The following ITGA3 variants were observed in gnomAD, a reference collection of about 807,000 sequenced individuals.
The protein encoded by ITGA3 is integrin alpha-3.
In ITGA3, 70 loss-of-function variants were observed where a neutral mutation model predicts 131.1. That is an observed-to-expected ratio of 0.53 (90% CI 0.44 to 0.65). The LOEUF is 0.65. ITGA3 is among the 30% of genes least tolerant of loss of function. ITGA3 has a pLI of 0.00. For synonymous variants in ITGA3, 537 were observed against 571.6 expected (o/e 0.94, Z 0.86); for missense variants, 1,098 against 1,388.6 (o/e 0.79, Z 3.33).
intron 18 of ITGA3, 35 bp from the exon 19 acceptor site, chr17:50,078,789 G>T (rs1598193317): frequency 7.5e-7 from 1 of 1,332,272 alleles, no homozygotes; most frequent in Non-Finnish European, 1.1e-6. Context: ...CTGGTCTCTT[G>T]TCCCCCGTGA....
At chr17:50,068,814 T>TTTTATTTATTTATTTA (rs373411924) in intron 4 of ITGA3, among the ~76,000 whole-genome samples, 8 of 118,702 alleles carry the variant, frequency 6.7e-5, no homozygotes, top group African/African-American at 1.0e-4. Context: ...AATCAGTCTT[T>TTTTATTTATTTATTTA]TTTATTTATT....
Position 50,087,735 on chromosome 17 carries a change from C to A in ITGA3, c.2920-9C>A. 5.6e-6 allele frequency: 9 copies of A among 1,611,068 alleles called. No homozygotes were observed. Among genetic ancestry groups the A allele is most frequent in the Admixed American group, 1.7e-5 (1 of 59,970 alleles). ...GACACAGGGCTGAGTCCTCCTCTCC[C>A]CGCTCCAGTTCTCTGTGGACATTGA... On this transcript the variant is annotated splice_polypyrimidine_tract_variant and intron_variant, in intron 23 of 25. Coordinates refer to ENST00000320031, the MANE Select transcript of ITGA3 (RefSeq NM_002204.4).
chr17:50,077,179 C>G, intron 15 of ITGA3, 58 bp downstream of exon 15: 2 of 1,484,330 alleles, frequency 1.3e-6, no homozygotes, highest in Non-Finnish European at 9.1e-7. Flanking sequence ...CTTTGCATCC[C>G]CATATCCATG....
rs1567707276 is a variant in ITGA3 at position 50,088,346 on chromosome 17, C to T, written c.*11C>T. On this transcript the variant is annotated 3_prime_UTR_variant, in exon 25 of 26. Coordinates refer to ENST00000320031, the MANE Select transcript of ITGA3 (RefSeq NM_002204.4). ...ACCGACGACTACTGAGGGGGCAGCC[C>T]CCCGCCCCCGGCCCACCTGGGTAAC... The T allele has an allele frequency of 6.4e-7, 1 of 1,554,916 alleles. No individual in the cohort carries two copies. The highest frequency in any genetic ancestry group is 8.7e-7 in the Non-Finnish European group (1 of 1,148,632).
chr17:50,071,407 TG>T lies in ITGA3; in HGVS notation c.849del (p.Leu283PhefsTer2), dbSNP rs780594058. On this transcript the variant is annotated frameshift_variant, in exon 6 of 26. Coordinates refer to ENST00000320031, the MANE Select transcript of ITGA3 (RefSeq NM_002204.4). LOFTEE classifies it high-confidence loss of function. ...PRHRHMGAVFLLSQEAGGDLR... is the reference protein window; with the variant it reads ...PRHRHMGAVFXLSQEAGGDLR... ...CACCGACATATGGGCGCGGTGTTCT[TG>T]CTGAGCCAGGAGGCAGGCGGAGACC... is the stretch of plus-strand genomic sequence containing the variant. 1 of 1,614,188 alleles carries T rather than the reference TG, an allele frequency of 6.2e-7. No individual in the cohort carries two copies. Among genetic ancestry groups the T allele is most frequent in the Non-Finnish European group, 8.5e-7 (1 of 1,180,038 alleles).
chr17:50,066,232 G>A (rs1908338842), intron 3 of ITGA3, among the ~76,000 whole-genome samples: 1 of 151,788 alleles, frequency 6.6e-6, no homozygotes, highest in Admixed American at 6.6e-5. Context: ...GGGCTCAAGT[G>A]ATCCTCCTGC....
Position 50,064,396 on chromosome 17 carries a change from T to C in ITGA3, c.335-132T>C, listed in dbSNP as rs1389160260. The C allele has an allele frequency of 3.6e-6, 4 of 1,121,618 alleles. No homozygotes were observed. Among genetic ancestry groups the C allele is most frequent in the Non-Finnish European group, 5.1e-6 (4 of 785,638 alleles). 69.5% of individuals were successfully genotyped at this position (1,121,618 alleles called of 1,614,324 possible). ...GGTAGAGCTCAGAATAATGACGAGC[T>C]GGAGAAGGGGAGTTGGGAGGGCTGC... On this transcript the variant is annotated intron_variant, in intron 2 of 25. Transcript: ENST00000320031. This position sits in a 1 kb window ranked among gnomAD's most constrained non-coding sequence, Gnocchi z 4.4.
chr17:50,088,262 A>G lies in ITGA3; in HGVS notation c.3083A>G (p.Tyr1028Cys), dbSNP rs1909555455. The G allele has an allele frequency of 6.3e-7, 1 of 1,585,198 alleles. No homozygotes were observed. Among genetic ancestry groups the G allele is most frequent in the Non-Finnish European group, 8.6e-7 (1 of 1,165,928 alleles). ...AAGCGAGCCCGCACTCGCGCCCTGT[A>G]TGAAGCTAAGAGGCAGAAGGCGGAG... ...FFKRARTRAL[Y>C]EAKRQKAEMK... The change falls in exon 25 of 26, where the codon TAT (tyrosine) becomes TGT (cysteine). Residue 1028 changes from tyrosine to cysteine, a missense_variant. Coordinates refer to ENST00000320031, the MANE Select transcript of ITGA3 (RefSeq NM_002204.4).
At chr17:50,063,872 G>A in intron 1 of ITGA3, 2 of 632,096 alleles carry the variant, frequency 3.2e-6, no homozygotes, top group Non-Finnish European at 5.4e-6. Flanking sequence ...GGGCTACTGT[G>A]CTCCCTGCTT....
intron 1 of ITGA3, among the ~76,000 whole-genome samples, chr17:50,060,343 G>C (rs1287638777): frequency 6.6e-6 from 1 of 152,200 alleles, no homozygotes; most frequent in Non-Finnish European, 1.5e-5. Context: ...CTGCTTCTCT[G>C]AGCATTACCC....
At chr17:50,060,428 T>G (rs1006174860) in intron 1 of ITGA3, among the ~76,000 whole-genome samples, 1 of 152,246 alleles carries the variant, frequency 6.6e-6, no homozygotes, top group African/African-American at 2.4e-5. Flanking sequence ...CTGGGTACTG[T>G]GCCGCGCCCT....
Position 50,071,339 on chromosome 17 carries a change from C to T in ITGA3, c.780C>T (p.Ile260=), listed in dbSNP as rs758967122. The T allele has an allele frequency of 3.1e-6, 5 of 1,614,034 alleles. No homozygotes were observed. Among genetic ancestry groups the T allele is most frequent in the African/African-American group, 1.3e-5 (1 of 74,950 alleles). Residue 260 remains isoleucine, a synonymous_variant, in exon 6 of 26, where the codon ATC becomes ATT. Transcript: ENST00000320031. ...ACACGATGCAGGTAGGCAGCTTCAT[C>T]CTGCACCCCAAAAACATCACCATTG... ...IGYTMQVGSF[I]LHPKNITIVT...
At chr17:50,073,854 G>C (rs1908747042) in intron 7 of ITGA3, 62 bp from the exon 8 acceptor site, 3 of 1,213,126 alleles carry the variant, frequency 2.5e-6, no homozygotes, top group East Asian at 2.3e-5. Context: ...CTGGAGCAAA[G>C]AGTTAGGGAG....
Position 50,088,330 on chromosome 17 carries a change from T to C in ITGA3, c.3151T>C (p.Tyr1051His). 6.4e-7 allele frequency: 1 copy of C among 1,571,270 alleles called. No homozygotes were observed. The highest frequency in any genetic ancestry group is 8.6e-7 in the Non-Finnish European group (1 of 1,158,662). ...AGAGACAGAGAGGCTGACCGACGACTACTGAGGGGGCAGCCCCCCGCCCCC... is the reference window on the plus strand; with the variant it reads ...AGAGACAGAGAGGCTGACCGACGACCACTGAGGGGGCAGCCCCCCGCCCCC... ...PSETERLTDDY is the reference protein window; with the variant it reads ...PSETERLTDDH The change falls in exon 25 of 26, where the codon TAC (tyrosine) becomes CAC (histidine). Residue 1051 changes from tyrosine (Y) to histidine (H), a missense_variant. Tyr to His is a moderately conservative substitution (Grantham distance 83). Around this residue, in one of 3 missense-constraint regions of ITGA3, gnomAD observed 699 missense variants for 829.2 expected, o/e 0.84. Transcript: ENST00000320031.
In ITGA3 at chr17:50,064,049, C is replaced by T. The variant is rs902655754; in HGVS notation, c.207-28C>T. ...CAAGTGGGGCTTGGGGAGTCTGAAC[C>T]CGGACCCACCTCCGTCCCTATCCCC... On this transcript the variant is annotated intron_variant, in intron 1 of 25. Coordinates refer to ENST00000320031, the MANE Select transcript of ITGA3 (RefSeq NM_002204.4). This position sits in a 1 kb window ranked among gnomAD's most constrained non-coding sequence, Gnocchi z 4.4. 1 of 1,610,034 alleles carries T rather than the reference C, an allele frequency of 6.2e-7. No individual in the cohort carries two copies. The highest frequency in any genetic ancestry group is 8.5e-7 in the Non-Finnish European group (1 of 1,178,618).
intron 7 of ITGA3, 49 bp from the exon 8 acceptor site, chr17:50,073,867 G>A (rs765107531): frequency 1.0e-5 from 14 of 1,379,402 alleles, no homozygotes; most frequent in Non-Finnish European, 1.2e-5. Context: ...TTAGGGAGAC[G>A]TGGGGCCCAG....
rs112898874 is a variant in ITGA3, at chr17:50,089,559, C to G, written c.*481C>G. The stretch of plus-strand genomic sequence containing the variant: ...GTGCATCACGGATGGTGCATGGGCT[C>G]GCCGTGTCTCAGCCTCTGCCAGCGC... On this transcript the variant is annotated 3_prime_UTR_variant, in exon 26 of 26. Coordinates refer to ENST00000320031, the MANE Select transcript of ITGA3 (RefSeq NM_002204.4). 8.4e-3 allele frequency: 3,072 copies of G among 364,504 alleles called. 93 individuals carry two copies. The highest frequency in any genetic ancestry group is 0.058 in the African/African-American group (2,897 of 49,532). 22.6% of individuals were successfully genotyped at this position (364,504 alleles called of 1,614,324 possible). A position where few individuals can be genotyped will look rare whatever the true frequency, so the allele number is the denominator to read the frequency against.
chr17:50,079,911 C>T (rs1310497603), intron 21 of ITGA3, among the ~76,000 whole-genome samples: 2 of 152,094 alleles, frequency 1.3e-5, no homozygotes, highest in Admixed American at 6.5e-5. Flanking sequence ...GAGAGGAGAG[C>T]GGGCCTGGCA....
At position 50,068,133 on chromosome 17, in the gene ITGA3, G is replaced by A; in HGVS notation, c.492G>A (p.Val164=). ...DQRRMVGKCY[V]RGNDLELDSS... ...GGCGCATGGTGGGCAAGTGCTACGT[G>A]CGAGGCAATGACCTAGAGCTGGACT... The change falls in exon 4 of 26, where the codon GTG becomes GTA. Residue 164 remains valine (V), a synonymous_variant. Coordinates refer to ENST00000320031, the MANE Select transcript of ITGA3 (RefSeq NM_002204.4). 6.2e-7 allele frequency: 1 copy of A among 1,614,192 alleles called. No individual in the cohort carries two copies. The highest frequency in any genetic ancestry group is 8.5e-7 in the Non-Finnish European group (1 of 1,180,048).
Sources: allele counts gnomAD v4.1 joint callset (sites outside exome capture counted in the v4.1 genomes callset), GRCh38; gene constraint gnomAD v4.1.1; regional missense constraint gnomAD v4.1.1; non-coding constraint Gnocchi (gnomAD v3.1); transcripts MANE v1.5; gene names NCBI Gene and HGNC (gene_info 2026-07-23, HGNC 2026-07-21).